Variants in PAPLN observed in about 807,000 individuals in gnomAD.
The protein encoded by PAPLN is papilin.
In PAPLN, 146 loss-of-function variants were observed where a neutral mutation model predicts 159.0. The observed-to-expected ratio is 0.92, with a 90% CI of 0.80 to 1.05. The LOEUF is 1.05. PAPLN is among the 50% of genes least tolerant of loss of function. The pLI is 0.00. For synonymous variants in PAPLN, 734 were observed against 702.9 expected (o/e 1.04, Z -0.70); for missense variants, 1,720 against 1,743.9 (o/e 0.99, Z 0.24).
Position 73,253,812 on chromosome 14 carries a change from C to T in PAPLN, c.1153C>T (p.Arg385Cys), listed in dbSNP as rs765363973. ...CTCCTGTGGAGGAGGCTCCCAGTCC[C>T]GCTCCGTGTACTGCATCTCGTCTGA... Reference protein sequence around the residue: ...SASCGGGSQSRSVYCISSDGA... With the variant: ...SASCGGGSQSCSVYCISSDGA... Residue 385 changes from arginine (R) to cysteine (C), a missense_variant, in exon 12 of 27, where the codon CGC (arginine) becomes TGC (cysteine). Physicochemically the swap from Arg to Cys is radical, Grantham distance 180 (BLOSUM62 -3). Coordinates refer to ENST00000644200, the MANE Select transcript of PAPLN (RefSeq NM_001365906.3). 19 of 1,613,240 alleles carry T rather than the reference C, an allele frequency of 1.2e-5. No homozygotes were observed. The highest frequency in any genetic ancestry group is 5.0e-5 in the Admixed American group (3 of 59,968).
chr14:73,249,904 G>A (rs1885042223), intron 5 of PAPLN, 80 bp from the exon 6 acceptor site: 1 of 1,454,344 alleles, frequency 6.9e-7, no homozygotes, highest in South Asian at 1.4e-5. Context: ...ATGCTTTCCT[G>A]TTGCTAGGGT....
At chr14:73,239,884 G>GCGGGGA in intron 2 of PAPLN, 52 bp downstream of exon 2, 1 of 1,499,096 alleles carries the variant, frequency 6.7e-7, no homozygotes. Flanking sequence ...GGAGTCGGGG[G>GCGGGGA]CGGGGACGCG....
intron 12 of PAPLN, 127 bp downstream of exon 12, chr14:73,254,088 A>G: frequency 9.2e-7 from 1 of 1,086,954 alleles, no homozygotes; most frequent in Admixed American, 2.7e-5. Context: ...GTCATCTTGG[A>G]AGCTGTGGCC....
rs919356141 is a variant in PAPLN at position 73,269,928 on chromosome 14, T to C, written c.3667+1205T>C. Among the ~76,000 whole-genome samples the C allele has an allele frequency of 2.6e-5, 4 of 152,142 alleles. No homozygotes were observed. In the East Asian group the frequency reaches 7.7e-4, roughly 29 times the overall value. Reference sequence around the variant, plus strand: ...ACTGGCCAGTACTAGAAGTTGAAGGTCTGGCTGAAATGTTGCTTTGTGAGT... The same window carrying C: ...ACTGGCCAGTACTAGAAGTTGAAGGCCTGGCTGAAATGTTGCTTTGTGAGT... On this transcript the variant is annotated intron_variant, in intron 26 of 26. Transcript: ENST00000644200.
chr14:73,247,984 CTGTGTGTGTGTGTGTGTG>C (rs60942606), intron 5 of PAPLN, among the ~76,000 whole-genome samples: 9 of 19,380 alleles, frequency 4.6e-4, no homozygotes, highest in East Asian at 3.1e-3. Context: ...CTCATATCCT[CTGTGTGTGTGTGTGTGTG>C]TGTGTGTGTG....
At chr14:73,264,188 T>A in intron 20 of PAPLN, 23 bp from the exon 21 acceptor site, 1 of 1,612,612 alleles carries the variant, frequency 6.2e-7, no homozygotes, top group Non-Finnish European at 8.5e-7. Context: ...AGAGCTCATG[T>A]CCTCCCACAC....
rs751221169 is a variant in PAPLN at position 73,272,485 on chromosome 14, C to T, written c.3668-10C>T. The T allele has an allele frequency of 2.2e-5, 33 of 1,505,080 alleles. No homozygotes were observed. The highest frequency in any genetic ancestry group is 2.8e-5 in the African/African-American group (2 of 72,420). 93.2% of individuals were successfully genotyped at this position (1,505,080 alleles called of 1,614,324 possible). Reference sequence around the variant, plus strand: ...CCTCACCACCTTCTCTCTCCCCTGTCGTTCTGCAGCACCCACCGCCCAGCC... The same window carrying T: ...CCTCACCACCTTCTCTCTCCCCTGTTGTTCTGCAGCACCCACCGCCCAGCC... On this transcript the variant is annotated splice_polypyrimidine_tract_variant and intron_variant, in intron 26 of 26. Transcript: ENST00000644200.
At position 73,250,088 on chromosome 14, in the gene PAPLN, G is replaced by A; in HGVS notation, c.439G>A (p.Asp147Asn). 6.2e-7 allele frequency: 1 copy of A among 1,611,718 alleles called. No individual in the cohort carries two copies. ...DGTPCEPGKR[D>N]VCVDGSCRVV... ...GACGCCCTGCGAGCCTGGCAAGAGG[G>A]ATGTCTGTGTGGATGGCAGCTGCCG... is the stretch of plus-strand genomic sequence containing the variant. The change falls in exon 6 of 27, where the codon GAT (aspartate) becomes AAT (asparagine). Residue 147 changes from aspartate to asparagine, a missense_variant. Asp to Asn is a conservative substitution (Grantham distance 23, BLOSUM62 1). Transcript: ENST00000644200.
intron 2 of PAPLN, 41 bp downstream of exon 2, chr14:73,239,873 G>A: frequency 6.5e-7 from 1 of 1,529,106 alleles, no homozygotes; most frequent in Middle Eastern, 2.2e-4. Context: ...GAACCTGCAG[G>A]GGAGTCGGGG....
Position 73,262,303 on chromosome 14 carries a change from T to G in PAPLN, c.2246-47T>G, listed in dbSNP as rs144598403. 609 of 1,542,788 alleles carry G rather than the reference T, an allele frequency of 3.9e-4. 1 individual carries two copies. The highest frequency in any genetic ancestry group is 5.0e-4 in the Non-Finnish European group (563 of 1,133,700). On this transcript the variant is annotated intron_variant, in intron 18 of 26. Coordinates refer to ENST00000644200, the MANE Select transcript of PAPLN (RefSeq NM_001365906.3). Reference sequence around the variant, plus strand: ...GGCTGAGAGGATGGAGGGTGCAGCTTTAGTACTGGGCACCTCAGTGACTTA... The same window carrying G: ...GGCTGAGAGGATGGAGGGTGCAGCTGTAGTACTGGGCACCTCAGTGACTTA...
chr14:73,246,642 C>CTTTTT (rs60063397), intron 5 of PAPLN, among the ~76,000 whole-genome samples: 44 of 116,814 alleles, frequency 3.8e-4, no homozygotes, highest in East Asian at 2.1e-3. Flanking sequence ...TTCTTTCTTT[C>CTTTTT]TTTTTTTTTT....
chr14:73,237,818 C>G (rs1312286605), intron 1 of PAPLN, among the ~76,000 whole-genome samples: 1 of 152,022 alleles, frequency 6.6e-6, no homozygotes, highest in African/African-American at 2.4e-5. Flanking sequence ...TGCAGAGAGC[C>G]GGGGAGCTGG....
At chr14:73,244,484 G>T in intron 2 of PAPLN, 160 bp from the exon 3 acceptor site, 1 of 602,640 alleles carries the variant, frequency 1.7e-6, no homozygotes. Flanking sequence ...ATGTTTTGGG[G>T]TGCCCGGCAG....
chr14:73,252,178 C>T (rs1299329303), intron 10 of PAPLN, 37 bp downstream of exon 10: 1 of 1,544,992 alleles, frequency 6.5e-7, no homozygotes, highest in Non-Finnish European at 8.7e-7. Context: ...GGCATGGGCC[C>T]TGTGTGCTGG....
At position 73,262,464 on chromosome 14, in the gene PAPLN, G is replaced by T; in HGVS notation, c.2360G>T (p.Cys787Phe). 1 of 1,610,938 alleles carries T rather than the reference G, an allele frequency of 6.2e-7. No individual in the cohort carries two copies. Among genetic ancestry groups the T allele is most frequent in the East Asian group, 2.2e-5 (1 of 44,728 alleles). The change falls in exon 19 of 27, where the codon TGC (cysteine) becomes TTC (phenylalanine). Residue 787 changes from cysteine to phenylalanine, a missense_variant. Coordinates refer to ENST00000644200, the MANE Select transcript of PAPLN (RefSeq NM_001365906.3). ...GQCNRFWYGG[C>F]HGNANNFASE... is the part of the protein sequence containing the mutation. ...TGTAACCGCTTCTGGTATGGCGGCT[G>T]CCATGGCAATGCCAATAACTTTGCC...
At chr14:73,253,578 G>A (rs759462935) in intron 11 of PAPLN, among the ~76,000 whole-genome samples, 176 bp from the exon 12 acceptor site, 3 of 152,216 alleles carry the variant, frequency 2.0e-5, no homozygotes, top group Admixed American at 1.3e-4. Context: ...AGCCAGGCCC[G>A]GTGGTGGGGA....
chr14:73,260,889 A>T, intron 17 of PAPLN, 60 bp downstream of exon 17: 1 of 1,493,506 alleles, frequency 6.7e-7, no homozygotes, highest in Non-Finnish European at 8.9e-7. Context: ...GCTCAGTGTC[A>T]CTGTGACCCA....
In PAPLN at chr14:73,262,844, C is replaced by A. The variant is rs751052816; in HGVS notation, c.2723+17C>A. On this transcript the variant is annotated intron_variant, in intron 19 of 26. Transcript: ENST00000644200. ...CTCCTACAGGTGAGGCCCACCTTCC[C>A]CAGGTGAGGGGGTTAGGACGCCCAG... The A allele has an allele frequency of 5.7e-5, 82 of 1,450,648 alleles. No homozygotes were observed. Among genetic ancestry groups the A allele is most frequent in the Non-Finnish European group, 7.2e-5 (79 of 1,101,962 alleles). The allele number at this position is 1,450,648 out of a possible 1,614,324, so 89.9% of individuals were successfully genotyped here.
intron 5 of PAPLN, among the ~76,000 whole-genome samples, chr14:73,249,222 C>G (rs115587578): frequency 9.8e-4 from 150 of 152,310 alleles, no homozygotes; most frequent in African/African-American, 3.2e-3. Flanking sequence ...TCACATTATT[C>G]TCTCCATATA....
Sources: gnomAD v4.1 joint callset for allele counts (sites outside exome capture counted in the v4.1 genomes callset) on GRCh38, gnomAD v4.1.1 for gene constraint, MANE v1.5 for transcripts, NCBI Gene and HGNC (gene_info 2026-07-23, HGNC 2026-07-21) for gene names.